PTPRF: variants seen among roughly 807,000 people sequenced by gnomAD.
The protein encoded by PTPRF is protein tyrosine phosphatase receptor type F, also known as receptor-type tyrosine-protein phosphatase F.
PTPRF carries 59 observed loss-of-function variants against 201.8 expected under a neutral mutation model. That is an observed-to-expected ratio of 0.29 (90% CI 0.24 to 0.36). PTPRF has a LOEUF of 0.36. PTPRF is among the 10% of genes least tolerant of loss of function. The probability of loss-of-function intolerance (pLI) is 1.00; values close to 1 mark genes in which losing one functional copy is unlikely to be tolerated. For synonymous variants in PTPRF, 1,088 were observed against 1,089.7 expected, an observed-to-expected ratio of 1.00 and a Z score of 0.03; for missense variants, 2,132 against 2,690.5, an observed-to-expected ratio of 0.79 and a Z score of 4.59.
chr1:43,600,817 T>TC (rs573285404), intron 13 of PTPRF, among the ~76,000 whole-genome samples: 2 of 152,030 alleles, frequency 1.3e-5, no homozygotes, highest in African/African-American at 4.8e-5. Context: ...CCTTCCCTCC[T>TC]CCCCCTGCCA....
intron 6 of PTPRF, among the ~76,000 whole-genome samples, chr1:43,570,920 G>A (rs1646524773): frequency 6.6e-6 from 1 of 152,186 alleles, no homozygotes. Context: ...GCAGCACAGC[G>A]GCCAGCACGG....
At chr1:43,551,199 T>A (rs148370540) in intron 3 of PTPRF, among the ~76,000 whole-genome samples, 23 of 151,684 alleles carry the variant, frequency 1.5e-4, no homozygotes, top group African/African-American at 5.3e-4. Context: ...GGGAAGGTGG[T>A]ATCTGGACTA....
At chr1:43,580,457 A>C (rs1433323252) in intron 7 of PTPRF, among the ~76,000 whole-genome samples, 1 of 152,224 alleles carries the variant, frequency 6.6e-6, no homozygotes, top group Non-Finnish European at 1.5e-5. Flanking sequence ...AAGATGCTTC[A>C]TGAGAGTTGG....
intron 3 of PTPRF, among the ~76,000 whole-genome samples, chr1:43,548,422 A>T (rs527954003): frequency 6.6e-6 from 1 of 152,054 alleles, no homozygotes; most frequent in East Asian, 1.9e-4. Flanking sequence ...GAGCCTGTGG[A>T]GCACACAGGG....
intron 2 of PTPRF, among the ~76,000 whole-genome samples, chr1:43,541,992 C>T (rs925178181): frequency 6.6e-6 from 1 of 152,186 alleles, no homozygotes; most frequent in Non-Finnish European, 1.5e-5. Context: ...CTGTGAACAC[C>T]GTTGCATGGA....
At chr1:43,601,071 A>G (rs1290395095) in intron 13 of PTPRF, among the ~76,000 whole-genome samples, 1 of 152,180 alleles carries the variant, frequency 6.6e-6, no homozygotes, top group Non-Finnish European at 1.5e-5. Context: ...ATTCTGTTCC[A>G]TGCTTCTTGC....
chr1:43,535,717 T>A (rs1349922604), intron 1 of PTPRF, among the ~76,000 whole-genome samples: 1 of 152,206 alleles, frequency 6.6e-6, no homozygotes, highest in African/African-American at 2.4e-5. Flanking sequence ...ATATTGGACA[T>A]GACTGTGGAC....
upstream of PTPRF, among the ~76,000 whole-genome samples, chr1:43,522,216 C>G (rs1030708871): frequency 6.6e-6 from 1 of 152,168 alleles, no homozygotes; most frequent in Non-Finnish European, 1.5e-5. Flanking sequence ...TGACCTAACA[C>G]AGACATGAAA....
At chr1:43,526,015 T>A (rs1463306607), upstream of PTPRF, among the ~76,000 whole-genome samples, 1 of 151,134 alleles carries the variant, frequency 6.6e-6, no homozygotes, top group Non-Finnish European at 1.5e-5. Flanking sequence ...TTTTTTAGGA[T>A]GGGAAAGACA....
rs68193223 is a variant in PTPRF at position 43,615,551 on chromosome 1, C to CTTTTTTTTTTTTTTTTT, written c.4071+1850_4072-1864dup. Among the ~76,000 whole-genome samples, 16 of 84,156 alleles carry CTTTTTTTTTTTTTTTTT rather than the reference C, an allele frequency of 1.9e-4. 1 individual carries two copies. The highest frequency in any genetic ancestry group is 3.4e-4 in the African/African-American group (7 of 20,368). 55.2% of individuals were successfully genotyped at this position (84,156 alleles called of 152,430 possible). ...AGCCAGGACCCCATAGCTCTGTTGT[C>CTTTTTTTTTTTTTTTTT]TTTTTTTTTTTTTTTTTTTTTTTTT... On this transcript the variant is annotated intron_variant, in intron 23 of 33. Transcript: ENST00000359947.
chr1:43,569,146 G>C (rs1646389981), intron 5 of PTPRF, among the ~76,000 whole-genome samples: 1 of 152,168 alleles, frequency 6.6e-6, no homozygotes, highest in South Asian at 2.1e-4. Flanking sequence ...GCGGACAGGG[G>C]AGAGGGGGCT....
chr1:43,564,620 G>A (rs1030204975), intron 5 of PTPRF, among the ~76,000 whole-genome samples: 1 of 152,176 alleles, frequency 6.6e-6, no homozygotes, highest in African/African-American at 2.4e-5. Context: ...TCCTGGCTGT[G>A]CATGTTTCTA....
intron 23 of PTPRF, among the ~76,000 whole-genome samples, chr1:43,614,816 C>G (rs907770376): frequency 6.6e-6 from 1 of 152,034 alleles, no homozygotes; most frequent in Non-Finnish European, 1.5e-5. Context: ...CATGCCATTG[C>G]GCTCCAGCCT....
Position 43,606,978 on chromosome 1 carries a change from G to A in PTPRF, c.3857+10G>A. 6.2e-7 allele frequency: 1 copy of A among 1,612,600 alleles called. No individual in the cohort carries two copies. The highest frequency in any genetic ancestry group is 8.5e-7 in the Non-Finnish European group (1 of 1,179,128). On this transcript the variant is annotated intron_variant, in intron 21 of 33. Transcript: ENST00000359947. The stretch of plus-strand genomic sequence containing the variant: ...TCCTCTTGTTCAAAAGGTGAGCACT[G>A]CCCTCAGAGCTCCGGGAACGGCCAC...
Position 43,597,799 on chromosome 1 carries a change from C to T in PTPRF, c.1865C>T (p.Thr622Met), listed in dbSNP as rs1265743877. The change falls in exon 12 of 34, where the codon ACG becomes ATG. Residue 622 changes from threonine (T) to methionine (M), a missense_variant. Thr to Met is a moderately conservative substitution (Grantham distance 81). This residue lies in a region of PTPRF where 125 missense variants were observed against 211.9 expected (regional missense o/e 0.59). Transcript: ENST00000359947. ...KVMCVSMGST[T>M]VRVSWVPPPA... ...ATGTGTGTGAGCATGGGCTCCACCA[C>T]GGTCCGGGTAAGTTGGGTCCCGCCG... The T allele has an allele frequency of 3.0e-5, 48 of 1,607,712 alleles. No homozygotes were observed. Among genetic ancestry groups the T allele is most frequent in the Non-Finnish European group, 3.7e-5 (44 of 1,177,720 alleles).
chr1:43,621,016 TG>T lies in PTPRF; in HGVS notation c.5519+28del, dbSNP rs745522170. ...AGGTGGGACTGGCCCCCTGGAGGGC[TG>T]GGGTGGGTGGGCCTGAAGGCCTGGC... On this transcript the variant is annotated intron_variant, in intron 32 of 33. Coordinates refer to ENST00000359947, the MANE Select transcript of PTPRF (RefSeq NM_002840.5). 5.6e-6 allele frequency: 9 copies of T among 1,610,050 alleles called. No homozygotes were observed. The Admixed American group carries it at 1.3e-4, about 24-fold the overall frequency.
intron 26 of PTPRF, 107 bp from the exon 27 acceptor site, chr1:43,618,941 A>T: frequency 6.7e-7 from 1 of 1,485,624 alleles, no homozygotes; most frequent in Non-Finnish European, 9.2e-7. Flanking sequence ...GTGGCTTCTG[A>T]GTCCCATGGG....
intron 5 of PTPRF, among the ~76,000 whole-genome samples, chr1:43,557,855 A>G (rs1219635597): frequency 6.6e-6 from 1 of 152,094 alleles, no homozygotes; most frequent in Non-Finnish European, 1.5e-5. Flanking sequence ...CAGGAAGACA[A>G]AATGCTGACT....
At chr1:43,601,031 A>T (rs1186999352) in intron 13 of PTPRF, among the ~76,000 whole-genome samples, 1 of 152,192 alleles carries the variant, frequency 6.6e-6, no homozygotes, top group African/African-American at 2.4e-5. Flanking sequence ...GTGGCCATGC[A>T]CTAAGGACCT....
Sources: allele counts gnomAD v4.1 joint callset (sites outside exome capture counted in the v4.1 genomes callset), GRCh38; gene constraint gnomAD v4.1.1; regional missense constraint gnomAD v4.1.1; transcripts MANE v1.5; gene names NCBI Gene and HGNC (gene_info 2026-07-23, HGNC 2026-07-21).